The following ERG variants were observed in gnomAD, a reference collection of about 807,000 sequenced individuals.
ERG encodes the protein transcriptional regulator ERG.
Under a neutral mutation model 55.3 loss-of-function variants are expected in ERG, and 9 were observed. The observed-to-expected ratio is 0.16, with a 90% confidence interval of 0.10 to 0.28. The LOEUF (loss-of-function observed/expected upper bound fraction) is 0.28. Ranked by LOEUF, ERG falls within the 10% of genes least tolerant of loss-of-function variation. ERG has a pLI of 1.00. For missense variants in ERG, 434 were observed against 631.6 expected, an observed-to-expected ratio of 0.69 and a Z score of 3.35; for synonymous variants, 223 against 237.3, an observed-to-expected ratio of 0.94 and a Z score of 0.55.
intron 3 of ERG, among the ~76,000 whole-genome samples, chr21:38,408,962 C>T (rs192283141): frequency 1.3e-5 from 2 of 152,236 alleles, no homozygotes; most frequent in African/African-American, 4.8e-5. Flanking sequence ...ATAACTGGAC[C>T]TCATTTTTCT....
chr21:38,612,340 G>A (rs936046559), intron 1 of ERG, among the ~76,000 whole-genome samples: 1 of 151,768 alleles, frequency 6.6e-6, no homozygotes, highest in Non-Finnish European at 1.5e-5. Flanking sequence ...AAAGTAATAG[G>A]ATTAGCTTTT....
At chr21:38,537,376 C>G (rs1022005753) in intron 2 of ERG, among the ~76,000 whole-genome samples, 1 of 151,292 alleles carries the variant, frequency 6.6e-6, no homozygotes, top group African/African-American at 2.4e-5. Flanking sequence ...AAAAGACATC[C>G]TATAAAATAA....
intron 1 of ERG, among the ~76,000 whole-genome samples, chr21:38,648,880 C>T (rs1024912681): frequency 6.6e-6 from 1 of 152,184 alleles, no homozygotes; most frequent in Admixed American, 6.5e-5. Flanking sequence ...ACCTCACTAA[C>T]GACGACACTT....
intron 2 of ERG, among the ~76,000 whole-genome samples, chr21:38,553,092 A>T (rs1446987002): frequency 1.3e-5 from 2 of 152,182 alleles, no homozygotes; most frequent in African/African-American, 4.8e-5. Context: ...CATTCAAAAT[A>T]GCAACAAAAA....
chr21:38,489,854 C>A (rs1174838315), intron 1 of ERG, among the ~76,000 whole-genome samples: 4 of 152,234 alleles, frequency 2.6e-5, no homozygotes, highest in African/African-American at 7.2e-5. Context: ...CAGGAAGGAT[C>A]CCTCAGCATT....
chr21:38,490,198 G>A (rs1272773866), intron 1 of ERG, among the ~76,000 whole-genome samples: 1 of 151,882 alleles, frequency 6.6e-6, no homozygotes, highest in Non-Finnish European at 1.5e-5. Context: ...ACAGGAAAAT[G>A]GACAAATTGG....
chr21:38,507,993 A>AC (rs2059478366), intron 2 of ERG, among the ~76,000 whole-genome samples: 1 of 151,658 alleles, frequency 6.6e-6, no homozygotes, highest in Non-Finnish European at 1.5e-5. Context: ...ACAGACACAC[A>AC]CACATGCACA....
intron 1 of ERG, among the ~76,000 whole-genome samples, chr21:38,638,199 C>T (rs73902703): frequency 0.014 from 2,152 of 152,292 alleles, 54 homozygotes; most frequent in African/African-American, 0.049. Flanking sequence ...CAAGTCACTC[C>T]ATGATTCCAT....
chr21:38,578,524 C>G (rs1601268548), intron 1 of ERG, among the ~76,000 whole-genome samples: 1 of 152,290 alleles, frequency 6.6e-6, no homozygotes, highest in South Asian at 2.1e-4. Flanking sequence ...ACAAGTATGA[C>G]AGATCCTAGC....
chr21:38,499,590 T>C (rs1389232247), upstream of ERG, among the ~76,000 whole-genome samples: 2 of 151,960 alleles, frequency 1.3e-5, no homozygotes, highest in African/African-American at 4.8e-5. Flanking sequence ...GTTCAGTAAA[T>C]GGATTTCACT....
chr21:38,420,152 G>T (rs1989474041), intron 3 of ERG, among the ~76,000 whole-genome samples: 1 of 151,902 alleles, frequency 6.6e-6, no homozygotes, highest in Admixed American at 6.6e-5. Flanking sequence ...TTGCACACAT[G>T]GGGTACTCCG....
At chr21:38,367,726 C>G in the ERG span, 99 of 472,956 alleles carry the variant, frequency 2.1e-4, no homozygotes, top group Non-Finnish European at 3.5e-4. Context: ...TAGAACAAGA[C>G]AGAATTCTGC....
intron 2 of ERG, among the ~76,000 whole-genome samples, chr21:38,442,319 C>CGG (rs113102440): frequency 6.6e-6 from 1 of 152,060 alleles, no homozygotes; most frequent in East Asian, 1.9e-4. Flanking sequence ...GCTTGAACCC[C>CGG]GGGGGGTGGA....
intron 2 of ERG, 44 bp from the exon 3 acceptor site, chr21:38,423,605 A>G (rs926731639): frequency 3.8e-6 from 6 of 1,567,544 alleles, no homozygotes; most frequent in Middle Eastern, 1.7e-4. Context: ...GCAATCAAAG[A>G]GCATGTCTCC....
chr21:38,423,286 G>A (rs1989631654), intron 3 of ERG, 124 bp downstream of exon 3: 1 of 1,018,786 alleles, frequency 9.8e-7, no homozygotes. Flanking sequence ...CCATTTACAA[G>A]CCCTGCTCTG....
At position 38,402,562 on chromosome 21, in the gene ERG, T is replaced by C; in HGVS notation, c.668A>G (p.Asn223Ser). 6.2e-7 allele frequency: 1 copy of C among 1,611,386 alleles called. No individual in the cohort carries two copies. Among genetic ancestry groups the C allele is most frequent in the Non-Finnish European group, 8.5e-7 (1 of 1,178,888 alleles). ...QNSPRLMHAR[N>S]TGGAAFIFPN... is the part of the protein sequence containing the mutation. ...AGGGGCGGGGCCAGCATTACCTGTGTTTCTAGCATGCATTAACCGTGGAGA... is the reference window on the plus strand; with the variant it reads ...AGGGGCGGGGCCAGCATTACCTGTGCTTCTAGCATGCATTAACCGTGGAGA... The change falls in exon 5 of 10, where the codon AAC becomes AGC. Residue 223 changes from asparagine to serine, a missense_variant. Asn to Ser is a conservative substitution (Grantham distance 46). Coordinates refer to ENST00000288319, the MANE Select transcript of ERG (RefSeq NM_182918.4).
intron 9 of ERG, among the ~76,000 whole-genome samples, chr21:38,384,276 C>A (rs751528433): frequency 6.6e-6 from 1 of 152,228 alleles, no homozygotes. Context: ...GCTGAAACAG[C>A]GTCCAGCTGC....
At chr21:38,567,383 G>C (rs2059929688) in intron 2 of ERG, among the ~76,000 whole-genome samples, 1 of 152,154 alleles carries the variant, frequency 6.6e-6, no homozygotes, top group Admixed American at 6.5e-5. Flanking sequence ...AGTACTCATT[G>C]TAGAAATTTT....
chr21:38,595,113 A>G (rs2060123250), intron 1 of ERG, among the ~76,000 whole-genome samples: 1 of 144,302 alleles, frequency 6.9e-6, no homozygotes. Context: ...TCAAAGGGCC[A>G]AGACGTGGGG....
Sources: gnomAD v4.1 joint callset for allele counts (sites outside exome capture counted in the v4.1 genomes callset) on GRCh38, gnomAD v4.1.1 for gene constraint, MANE v1.5 for transcripts, NCBI Gene and HGNC (gene_info 2026-07-23, HGNC 2026-07-21) for gene names.